The following GDF6 variants were observed in gnomAD, a reference collection of about 807,000 sequenced individuals.
The protein encoded by GDF6 is growth differentiation factor 6.
In GDF6, 3 loss-of-function variants were observed where a neutral mutation model predicts 32.4. The observed-to-expected ratio is 0.09, with a 90% CI of 0.04 to 0.24. The LOEUF (loss-of-function observed/expected upper bound fraction) is 0.24. Among genes scored for constraint, GDF6 ranks in the 10% least tolerant of loss-of-function variants. The probability of loss-of-function intolerance (pLI) is 1.00; values close to 1 mark genes in which losing one functional copy is unlikely to be tolerated. For missense variants in GDF6, 589 were observed against 637.9 expected, an observed-to-expected ratio of 0.92 and a Z score of 0.83; for synonymous variants, 296 against 295.3, an observed-to-expected ratio of 1.00 and a Z score of -0.03.
In GDF6 at chr8:96,144,274, GA is replaced by G. The variant is rs1812423347; in HGVS notation, c.*288del. The G allele has an allele frequency of 2.1e-6, 1 of 466,372 alleles. No homozygotes were observed. The highest frequency in any genetic ancestry group is 2.2e-5 in the African/African-American group (1 of 44,600). The allele number at this position is 466,372 out of a possible 1,614,324, so 28.9% of individuals were successfully genotyped here. A position where few individuals can be genotyped will look rare whatever the true frequency, so the allele number is the denominator to read the frequency against. On this transcript the variant is annotated 3_prime_UTR_variant, in exon 2 of 2. Coordinates refer to ENST00000287020, the MANE Select transcript of GDF6 (RefSeq NM_001001557.4). The surrounding 1 kb of genome is among the most constrained non-coding windows in gnomAD (Gnocchi z 5.1). The stretch of plus-strand genomic sequence containing the variant: ...AGAGAGAGAGAGAGAGAGAGAGAGA[GA>G]GAGAGAGAGAGAGAGAAAACAGAAC...
In GDF6 at chr8:96,145,212, A is replaced by T; in HGVS notation, c.719T>A (p.Leu240Gln). ...CLELRAAWGE[L>Q]DAGEAEARAR... ...GCGCGCCTCGGCCTCCCCGGCGTCC[A>T]GCTCGCCCCATGCGGCCCGCAGCTC... The change falls in exon 2 of 2, where the codon CTG becomes CAG. Residue 240 changes from leucine (L) to glutamine (Q), a missense_variant. By Grantham distance (113) the Leu-to-Gln change is moderately radical (BLOSUM62 -2). Around this residue, in one of 2 missense-constraint regions of GDF6, gnomAD observed 436 missense variants for 411.2 expected, o/e 1.06. Coordinates refer to ENST00000287020, the MANE Select transcript of GDF6 (RefSeq NM_001001557.4). This position sits in a 1 kb window ranked among gnomAD's most constrained non-coding sequence, Gnocchi z 5.6. The T allele has an allele frequency of 6.6e-7, 1 of 1,509,638 alleles. No homozygotes were observed. Among genetic ancestry groups the T allele is most frequent in the Non-Finnish European group, 8.8e-7 (1 of 1,136,550 alleles). 93.5% of individuals were successfully genotyped at this position (1,509,638 alleles called of 1,614,324 possible). A position where few individuals can be genotyped will look rare whatever the true frequency, so the allele number is the denominator to read the frequency against.
chr8:96,157,228 T>C (rs1007742224), intron 1 of GDF6, among the ~76,000 whole-genome samples: 5 of 152,128 alleles, frequency 3.3e-5, no homozygotes, highest in African/African-American at 1.2e-4. Context: ...TCTTTTTTTT[T>C]TCCCCAATAA....
chr8:96,149,926 G>T (rs975548961), intron 1 of GDF6, among the ~76,000 whole-genome samples: 1 of 152,162 alleles, frequency 6.6e-6, no homozygotes, highest in Non-Finnish European at 1.5e-5. Context: ...CTGTGCGCTT[G>T]CCCACTCCAG....
At chr8:96,151,705 A>C (rs577869652) in intron 1 of GDF6, among the ~76,000 whole-genome samples, 1 of 152,372 alleles carries the variant, frequency 6.6e-6, no homozygotes, top group East Asian at 1.9e-4. Context: ...CAAATGAGAT[A>C]AGGTGTGAGA....
intron 1 of GDF6, among the ~76,000 whole-genome samples, chr8:96,153,098 G>A (rs1376474112): frequency 6.6e-6 from 1 of 152,246 alleles, no homozygotes; most frequent in Non-Finnish European, 1.5e-5. Context: ...ACCCCAGGGT[G>A]CCTGTTTCTG....
At chr8:96,151,778 A>T (rs1456234688) in intron 1 of GDF6, among the ~76,000 whole-genome samples, 1 of 152,226 alleles carries the variant, frequency 6.6e-6, no homozygotes, top group Non-Finnish European at 1.5e-5. Flanking sequence ...TAGGAATTTA[A>T]AGTCTAAGAG....
chr8:96,145,460 G>A lies in GDF6; in HGVS notation c.471C>T (p.Asp157=), dbSNP rs775133514. ...KYLFDVSMLS[D]KEELVGAELR... ...GCTCCGCGCCCACCAGCTCTTCTTT[G>A]TCTGAGAGCATGGACACATCAAACA... The change falls in exon 2 of 2, where the codon GAC becomes GAT. Residue 157 remains aspartate (D), a synonymous_variant. Coordinates refer to ENST00000287020, the MANE Select transcript of GDF6 (RefSeq NM_001001557.4). This position sits in a 1 kb window ranked among gnomAD's most constrained non-coding sequence, Gnocchi z 5.6. 3 of 1,597,680 alleles carry A rather than the reference G, an allele frequency of 1.9e-6. No individual in the cohort carries two copies. In the East Asian group the frequency reaches 6.7e-5, roughly 36 times the overall value.
In GDF6 at chr8:96,144,643, T is replaced by C; in HGVS notation, c.1288A>G (p.Ile430Val). ...TTATTGCCCGCGTCGATGTATAGAA[T>C]GCTGATGGGAGTCAATTTGGTGGGC... ...CVPTKLTPIS[I>V]LYIDAGNNVV... The change falls in exon 2 of 2, where the codon ATT becomes GTT. Residue 430 changes from isoleucine (I) to valine (V), a missense_variant. Around this residue, in one of 2 missense-constraint regions of GDF6, gnomAD observed 153 missense variants for 226.7 expected, o/e 0.67. Transcript: ENST00000287020. The surrounding 1 kb of genome is among the most constrained non-coding windows in gnomAD (Gnocchi z 5.1). The C allele has an allele frequency of 1.2e-6, 2 of 1,614,118 alleles. No individual in the cohort carries two copies. Among genetic ancestry groups the C allele is most frequent in the Non-Finnish European group, 1.7e-6 (2 of 1,180,018 alleles).
At position 96,146,705 on chromosome 8, in the gene GDF6, C is replaced by CAG. The variant is rs555323322; in HGVS notation, c.407-1182_407-1181insCT. Among the ~76,000 whole-genome samples, 1,101 of 138,424 alleles carry CAG rather than the reference C, an allele frequency of 8.0e-3. 8 individuals are homozygous for CAG. Among genetic ancestry groups the CAG allele is most frequent in the South Asian group, 0.031 (140 of 4,492 alleles). 90.8% of individuals were successfully genotyped at this position (138,424 alleles called of 152,430 possible). On this transcript the variant is annotated intron_variant, in intron 1 of 1. Coordinates refer to ENST00000287020, the MANE Select transcript of GDF6 (RefSeq NM_001001557.4). ...ATACACACACACACACACACACACACACAGAGAGAGAGAGAGAGAGATAGA... is the reference window on the plus strand; with the variant it reads ...ATACACACACACACACACACACACACAGACAGAGAGAGAGAGAGAGAGATAGA...
chr8:96,142,530 A>G lies in GDF6; in HGVS notation c.*2033T>C, dbSNP rs1397457975. On this transcript the variant is annotated 3_prime_UTR_variant, in exon 2 of 2. Transcript: ENST00000287020. The stretch of plus-strand genomic sequence containing the variant: ...AAATTTTGTAATAATATTTAAGAAA[A>G]TGGTAACATTATGAAAAAATGAAAT... 6.6e-6 allele frequency: 1 copy of G among 152,656 alleles called. No individual in the cohort carries two copies. Among genetic ancestry groups the G allele is most frequent in the East Asian group, 1.9e-4 (1 of 5,206 alleles). 9.5% of individuals were successfully genotyped at this position (152,656 alleles called of 1,614,324 possible).
rs1369067045 is a variant in GDF6 at position 96,144,244 on chromosome 8, T to TGGAGAG, written c.*318_*319insCTCTCC. 4.3e-5 allele frequency: 10 copies of TGGAGAG among 234,916 alleles called. No individual in the cohort carries two copies. In the East Asian group the frequency reaches 1.1e-3, roughly 26 times the overall value. The allele number at this position is 234,916 out of a possible 1,614,324, so 14.6% of individuals were successfully genotyped here. A position where few individuals can be genotyped will look rare whatever the true frequency, so the allele number is the denominator to read the frequency against. On this transcript the variant is annotated 3_prime_UTR_variant, in exon 2 of 2. Transcript: ENST00000287020. This position sits in a 1 kb window ranked among gnomAD's most constrained non-coding sequence, Gnocchi z 5.1. ...ATAAGGAAATCCAAAGCCACAGTAATAGAGAGAGAGAGAGAGAGAGAGAGA... is the reference window on the plus strand; with the variant it reads ...ATAAGGAAATCCAAAGCCACAGTAATGGAGAGAGAGAGAGAGAGAGAGAGAGAGAGA...
chr8:96,160,709 C>G lies in GDF6; in HGVS notation c.-17G>C, dbSNP rs1177186421. 2 of 1,612,490 alleles carry G rather than the reference C, an allele frequency of 1.2e-6. No individual in the cohort carries two copies. Among genetic ancestry groups the G allele is most frequent in the Non-Finnish European group, 1.7e-6 (2 of 1,179,148 alleles). On this transcript the variant is annotated 5_prime_UTR_variant, in exon 1 of 2. Transcript: ENST00000287020. ...AGTATCCATGGCGGGCAAGTGGCTGCGTCTCCCCAGGAGGCGGTGGCGGCG... is the reference window on the plus strand; with the variant it reads ...AGTATCCATGGCGGGCAAGTGGCTGGGTCTCCCCAGGAGGCGGTGGCGGCG...
At chr8:96,156,942 G>T (rs1460877076) in intron 1 of GDF6, among the ~76,000 whole-genome samples, 1 of 152,132 alleles carries the variant, frequency 6.6e-6, no homozygotes, top group African/African-American at 2.4e-5. Flanking sequence ...AACATGCAGG[G>T]TCTCGAATCT....
At chr8:96,150,596 CTCTAAGAGGTATCTT>C (rs1489762492) in intron 1 of GDF6, among the ~76,000 whole-genome samples, 5 of 152,252 alleles carry the variant, frequency 3.3e-5, no homozygotes, top group African/African-American at 9.6e-5. Context: ...GAAACTAAAG[CTCTAAGAGGTATCTT>C]GCCCATTGTC....
intron 1 of GDF6, among the ~76,000 whole-genome samples, chr8:96,147,959 T>C (rs542098094): frequency 6.6e-6 from 1 of 152,286 alleles, no homozygotes; most frequent in East Asian, 1.9e-4. Context: ...TTCTCTCTCA[T>C]GCAATATGGG....
chr8:96,144,552 GA>G lies in GDF6; in HGVS notation c.*10del. The G allele has an allele frequency of 6.2e-7, 1 of 1,613,172 alleles. No individual in the cohort carries two copies. The highest frequency in any genetic ancestry group is 8.5e-7 in the Non-Finnish European group (1 of 1,179,714). The stretch of plus-strand genomic sequence containing the variant: ...CCTTGGTTCCGGGCCAAGGCGGCGG[GA>G]AAGGCACCGCTACCTGCAGCCGCAC... On this transcript the variant is annotated 3_prime_UTR_variant, in exon 2 of 2. Coordinates refer to ENST00000287020, the MANE Select transcript of GDF6 (RefSeq NM_001001557.4). The surrounding 1 kb of genome is among the most constrained non-coding windows in gnomAD (Gnocchi z 5.1).
At chr8:96,150,094 G>A (rs750753980) in intron 1 of GDF6, among the ~76,000 whole-genome samples, 7 of 152,228 alleles carry the variant, frequency 4.6e-5, no homozygotes, top group Non-Finnish European at 8.8e-5. Flanking sequence ...CTCAGCTTGA[G>A]GTCCCTTTTG....
chr8:96,158,094 C>T (rs962527232), intron 1 of GDF6, among the ~76,000 whole-genome samples: 4 of 152,210 alleles, frequency 2.6e-5, no homozygotes. Flanking sequence ...GGAGACAGCG[C>T]CTTTGAAGAT....
Position 96,152,864 on chromosome 8 carries a change from G to T in GDF6, c.407-7340C>A, listed in dbSNP as rs1214671205. ...ACCCAGGCCCTTCTCTTCCTGAGGG[G>T]CCTGGGCCTTGTAGACTCCACAAGT... On this transcript the variant is annotated intron_variant, in intron 1 of 1. Transcript: ENST00000287020. Among the ~76,000 whole-genome samples, 3 of 152,310 alleles carry T rather than the reference G, an allele frequency of 2.0e-5. No homozygotes were observed. In the East Asian group the frequency reaches 5.8e-4, roughly 29 times the overall value.
Sources: gnomAD v4.1 joint callset for allele counts (sites outside exome capture counted in the v4.1 genomes callset) on GRCh38, gnomAD v4.1.1 for gene constraint, gnomAD v4.1.1 regional missense constraint, Gnocchi (gnomAD v3.1) non-coding constraint, MANE v1.5 for transcripts, NCBI Gene and HGNC (gene_info 2026-07-23, HGNC 2026-07-21) for gene names.